KCNIP4: variants seen among roughly 807,000 people sequenced by gnomAD.
KCNIP4 encodes potassium voltage-gated channel interacting protein 4.
Under a neutral mutation model 34.0 loss-of-function variants are expected in KCNIP4, and 12 were observed. The ratio of observed to expected loss-of-function variants is 0.35; its 90% CI spans 0.23 to 0.57. KCNIP4 has a LOEUF of 0.57. Ranked by LOEUF, KCNIP4 falls within the 20% of genes least tolerant of loss-of-function variation. The pLI is 0.83. For missense variants in KCNIP4, 238 were observed against 311.7 expected (o/e 0.76, Z 1.78); for synonymous variants, 124 against 102.2 (o/e 1.21, Z -1.29).
At chr4:21,792,828 CT>C (rs1390391388) in intron 1 of KCNIP4, among the ~76,000 whole-genome samples, 6 of 152,228 alleles carry the variant, frequency 3.9e-5, no homozygotes, top group African/African-American at 1.4e-4. Flanking sequence ...GGATGTCTTC[CT>C]GTAATGTTGA....
At position 21,898,852 on chromosome 4, in the gene KCNIP4, C is replaced by T. The variant is rs74381641; in HGVS notation, c.61+49719G>A. On this transcript the variant is annotated intron_variant, in intron 1 of 8. Coordinates refer to ENST00000382152, the MANE Select transcript of KCNIP4 (RefSeq NM_025221.6). Reference sequence around the variant, plus strand: ...GCAACAAGTACACTCATGTGGTCCCCGAGCACAGACCTAGGCTCTTAGACA... The same window carrying T: ...GCAACAAGTACACTCATGTGGTCCCTGAGCACAGACCTAGGCTCTTAGACA... Among the ~76,000 whole-genome samples the T allele has an allele frequency of 9.1e-3, 1,379 of 152,242 alleles. 15 individuals carry two copies. Among genetic ancestry groups the T allele is most frequent in the South Asian group, 0.034 (163 of 4,826 alleles).
chr4:21,897,399 T>C (rs1727457213), intron 1 of KCNIP4, among the ~76,000 whole-genome samples: 1 of 152,188 alleles, frequency 6.6e-6, no homozygotes, highest in African/African-American at 2.4e-5. Context: ...CCAGCACAAG[T>C]ATCAGAATTT....
At chr4:21,906,893 T>A (rs1264710723) in intron 1 of KCNIP4, among the ~76,000 whole-genome samples, 3 of 152,210 alleles carry the variant, frequency 2.0e-5, no homozygotes, top group African/African-American at 7.2e-5. Flanking sequence ...AAAAGGTATA[T>A]TTTTATGTAA....
At chr4:21,888,016 T>C (rs1726884666) in intron 1 of KCNIP4, among the ~76,000 whole-genome samples, 1 of 152,262 alleles carries the variant, frequency 6.6e-6, no homozygotes, top group African/African-American at 2.4e-5. Flanking sequence ...ATGTGCCAGG[T>C]ATTGTTCTGA....
In KCNIP4 at chr4:20,973,910, C is replaced by T. The variant is rs148210273; in HGVS notation, c.62-91201G>A. On this transcript the variant is annotated intron_variant, in intron 1 of 8. Coordinates refer to ENST00000382152, the MANE Select transcript of KCNIP4 (RefSeq NM_025221.6). ...TGCTCCTAATCTGAACTCGATTATT[C>T]CTGAGGTATATGGTATAAAAATTTC... Among the ~76,000 whole-genome samples, 419 of 152,092 alleles carry T rather than the reference C, an allele frequency of 2.8e-3. 2 individuals are homozygous for T. The highest frequency in any genetic ancestry group is 9.5e-3 in the African/African-American group (395 of 41,470).
At chr4:21,351,147 AG>A (rs1051624024) in intron 1 of KCNIP4, among the ~76,000 whole-genome samples, 2 of 152,198 alleles carry the variant, frequency 1.3e-5, no homozygotes, top group African/African-American at 4.8e-5. Context: ...ATTAAAATGT[AG>A]TACCATCCTA....
intron 1 of KCNIP4, among the ~76,000 whole-genome samples, chr4:21,082,380 T>C (rs923695177): frequency 6.6e-5 from 10 of 151,814 alleles, no homozygotes; most frequent in African/African-American, 1.9e-4. Context: ...AGAATTTCTG[T>C]AAAGACTTTG....
At chr4:21,016,628 G>A (rs1007626443) in intron 1 of KCNIP4, among the ~76,000 whole-genome samples, 5 of 150,722 alleles carry the variant, frequency 3.3e-5, no homozygotes, top group Non-Finnish European at 7.4e-5. Flanking sequence ...TATTTTTTTC[G>A]GATGGAGTCT....
In KCNIP4 at chr4:21,187,943, T is replaced by C. The variant is rs147795522; in HGVS notation, c.62-305234A>G. 4.0e-3 allele frequency among the ~76,000 whole-genome samples: 615 copies of C among 152,336 alleles called. 6 individuals carry two copies. Among genetic ancestry groups the C allele is most frequent in the African/African-American group, 0.014 (575 of 41,580 alleles). On this transcript the variant is annotated intron_variant, in intron 1 of 8. Coordinates refer to ENST00000382152, the MANE Select transcript of KCNIP4 (RefSeq NM_025221.6). The stretch of plus-strand genomic sequence containing the variant: ...CTTTGGGAAAGTCACTCAATTTTTC[T>C]GAACTTCAGTTTTATCATCTGTCAA...
chr4:20,969,212 C>T (rs1734680424), intron 1 of KCNIP4, among the ~76,000 whole-genome samples: 2 of 152,106 alleles, frequency 1.3e-5, no homozygotes, highest in South Asian at 4.1e-4. Flanking sequence ...AAACTGTTAG[C>T]CCTTTTCATA....
chr4:21,166,085 G>C (rs1186551311), intron 1 of KCNIP4, among the ~76,000 whole-genome samples: 1 of 152,088 alleles, frequency 6.6e-6, no homozygotes, highest in Admixed American at 6.6e-5. Context: ...CCAGAACTGT[G>C]AGCAATATAT....
intron 1 of KCNIP4, among the ~76,000 whole-genome samples, chr4:21,256,216 C>A (rs1435065420): frequency 6.6e-6 from 1 of 152,066 alleles, no homozygotes; most frequent in Admixed American, 6.5e-5. Flanking sequence ...GAGGACACTG[C>A]AAGTACAAAT....
At chr4:21,020,071 C>T (rs1340448455) in intron 1 of KCNIP4, among the ~76,000 whole-genome samples, 2 of 152,130 alleles carry the variant, frequency 1.3e-5, no homozygotes, top group Non-Finnish European at 2.9e-5. Flanking sequence ...CATGCTTCTG[C>T]TGTTTTCCAC....
intron 5 of KCNIP4, among the ~76,000 whole-genome samples, chr4:20,735,722 A>C (rs368438521): frequency 2.0e-5 from 3 of 152,044 alleles, no homozygotes; most frequent in South Asian, 4.2e-4. Context: ...TTTTTGGTAG[A>C]GATGGGGTTT....
chr4:21,180,757 A>G (rs926464307), intron 1 of KCNIP4, among the ~76,000 whole-genome samples: 1 of 150,812 alleles, frequency 6.6e-6, no homozygotes, highest in Non-Finnish European at 1.5e-5. Flanking sequence ...ATTTGTGTAT[A>G]TATGTGTACA....
At chr4:21,411,893 A>T (rs1724543345) in intron 1 of KCNIP4, among the ~76,000 whole-genome samples, 1 of 152,148 alleles carries the variant, frequency 6.6e-6, no homozygotes, top group African/African-American at 2.4e-5. Flanking sequence ...TATTTCATTC[A>T]CATTAAGTAG....
chr4:21,890,658 C>G (rs1313069891), intron 1 of KCNIP4, among the ~76,000 whole-genome samples: 1 of 152,074 alleles, frequency 6.6e-6, no homozygotes, highest in Non-Finnish European at 1.5e-5. Flanking sequence ...TTACTCAGCA[C>G]CACATACTTG....
At chr4:21,014,606 T>C (rs1253684309) in intron 1 of KCNIP4, among the ~76,000 whole-genome samples, 1 of 152,176 alleles carries the variant, frequency 6.6e-6, no homozygotes, top group Non-Finnish European at 1.5e-5. Context: ...TATCAAAAAT[T>C]GGAAAGCATG....
At chr4:21,181,662 C>T (rs1754853110) in intron 1 of KCNIP4, among the ~76,000 whole-genome samples, 1 of 152,082 alleles carries the variant, frequency 6.6e-6, no homozygotes, top group African/African-American at 2.4e-5. Context: ...GTGGCAGGCA[C>T]AAGCAGAATC....
Sources: gnomAD v4.1 joint callset for allele counts (sites outside exome capture counted in the v4.1 genomes callset) on GRCh38, gnomAD v4.1.1 for gene constraint, MANE v1.5 for transcripts, NCBI Gene and HGNC (gene_info 2026-07-23, HGNC 2026-07-21) for gene names.